Variants in TRPS1 observed in about 807,000 individuals in gnomAD.
TRPS1 encodes the protein zinc finger transcription factor Trps1.
A neutral mutation model predicts 101.2 loss-of-function variants in TRPS1; 6 were observed. The ratio of observed to expected loss-of-function variants is 0.06; its 90% CI spans 0.03 to 0.12. TRPS1 has a LOEUF of 0.12. Among genes scored for constraint, TRPS1 ranks in the 10% least tolerant of loss-of-function variants. TRPS1 has a pLI of 1.00. For synonymous variants in TRPS1, 578 were observed against 589.8 expected (o/e 0.98, Z 0.29); for missense variants, 1,363 against 1,567.0 (o/e 0.87, Z 2.20).
intron 5 of TRPS1, among the ~76,000 whole-genome samples, chr8:115,555,455 A>G (rs1306900289): frequency 6.6e-6 from 1 of 152,190 alleles, no homozygotes; most frequent in East Asian, 1.9e-4. Context: ...CCAATATGTT[A>G]TGAAACATTA....
intron 5 of TRPS1, among the ~76,000 whole-genome samples, chr8:115,534,126 A>G (rs1285708893): frequency 1.3e-5 from 2 of 152,128 alleles, no homozygotes; most frequent in East Asian, 3.9e-4. Context: ...ATCACACTGG[A>G]GGCTGAAGCT....
In TRPS1 at chr8:115,414,226, T is replaced by C. The variant is rs1167590393; in HGVS notation, c.3682A>G (p.Thr1228Ala). 26 of 1,613,914 alleles carry C rather than the reference T, an allele frequency of 1.6e-5. No individual in the cohort carries two copies. Among genetic ancestry groups the C allele is most frequent in the Middle Eastern group, 1.6e-4 (1 of 6,082 alleles). ...VDRSTQDELS[T>A]KCVHCGIVFL... ...ACAATGCCACAGTGCACACATTTTG[T>C]TGAAAGTTCATCTTGAGTACTTCTA... The change falls in exon 7 of 7, where the codon ACA (threonine) becomes GCA (alanine). Residue 1228 changes from threonine (T) to alanine (A), a missense_variant. By Grantham distance (58) the Thr-to-Ala change is moderately conservative. Coordinates refer to ENST00000395715, the MANE Select transcript of TRPS1 (RefSeq NM_014112.5). The surrounding 1 kb of genome is among the most constrained non-coding windows in gnomAD (Gnocchi z 4.8).
intron 2 of TRPS1, among the ~76,000 whole-genome samples, chr8:115,620,859 C>T (rs572632158): frequency 1.3e-5 from 2 of 152,214 alleles, no homozygotes; most frequent in Non-Finnish European, 2.9e-5. Context: ...TCTGGGTGTC[C>T]ATATGCAGCC....
At chr8:115,487,500 A>G (rs1814913138) in intron 5 of TRPS1, among the ~76,000 whole-genome samples, 1 of 152,198 alleles carries the variant, frequency 6.6e-6, no homozygotes, top group South Asian at 2.1e-4. Context: ...ATCTGGGCAA[A>G]GTCAATTGAA....
chr8:115,517,636 TA>T (rs1815749953), intron 5 of TRPS1, among the ~76,000 whole-genome samples: 1 of 151,770 alleles, frequency 6.6e-6, no homozygotes, highest in African/African-American at 2.4e-5. Context: ...TATGATATAC[TA>T]AAAATTATGT....
intron 5 of TRPS1, among the ~76,000 whole-genome samples, chr8:115,577,901 G>T (rs1251378079): frequency 6.6e-6 from 1 of 152,062 alleles, no homozygotes; most frequent in Non-Finnish European, 1.5e-5. Context: ...TTCAAAACTG[G>T]TTTGACAAAG....
At chr8:115,566,871 G>A (rs1817080082) in intron 5 of TRPS1, among the ~76,000 whole-genome samples, 1 of 152,094 alleles carries the variant, frequency 6.6e-6, no homozygotes, top group South Asian at 2.1e-4. Flanking sequence ...AAAGAGATAA[G>A]ATGGAAAAAT....
intron 5 of TRPS1, among the ~76,000 whole-genome samples, chr8:115,429,672 G>C (rs1236521608): frequency 6.6e-6 from 1 of 152,122 alleles, no homozygotes; most frequent in Non-Finnish European, 1.5e-5. Flanking sequence ...CCCAACTTGA[G>C]ACACAAAACT....
chr8:115,608,188 G>T (rs1411991358), intron 3 of TRPS1, among the ~76,000 whole-genome samples: 1 of 152,116 alleles, frequency 6.6e-6, no homozygotes, highest in Non-Finnish European at 1.5e-5. Context: ...AGAATAGAGA[G>T]CAGAGCTTTC....
rs530907538 is a variant in TRPS1, at chr8:115,500,869, G to A, written c.2701-82417C>T. ...ATTATAGGCAGGAGCCACCGCGCCC[G>A]ACCTGAACTTGGTTTTAATGACAAT... On this transcript the variant is annotated intron_variant, in intron 5 of 6. Coordinates refer to ENST00000395715, the MANE Select transcript of TRPS1 (RefSeq NM_014112.5). Among the ~76,000 whole-genome samples the A allele has an allele frequency of 2.6e-4, 39 of 152,202 alleles. 1 individual carries two copies. The South Asian group carries it at 7.3e-3, about 28-fold the overall frequency.
intron 1 of TRPS1, among the ~76,000 whole-genome samples, chr8:115,657,838 C>T (rs1811708775): frequency 6.6e-6 from 1 of 151,772 alleles, no homozygotes; most frequent in African/African-American, 2.4e-5. Flanking sequence ...CAATAGCAAA[C>T]AATAAAATAA....
intron 2 of TRPS1, among the ~76,000 whole-genome samples, chr8:115,620,887 G>C (rs1284163531): frequency 2.6e-5 from 4 of 152,180 alleles, no homozygotes; most frequent in East Asian, 1.9e-4. Flanking sequence ...AACAGTACCT[G>C]TTCCACCACT....
chr8:115,417,584 A>T (rs1812952464), intron 6 of TRPS1, among the ~76,000 whole-genome samples: 1 of 152,226 alleles, frequency 6.6e-6, no homozygotes, highest in South Asian at 2.1e-4. Context: ...TCAGTAAGTC[A>T]AATCCATATT....
At chr8:115,635,279 T>C (rs1818742127) in intron 1 of TRPS1, among the ~76,000 whole-genome samples, 1 of 152,114 alleles carries the variant, frequency 6.6e-6, no homozygotes, top group Admixed American at 6.6e-5. Context: ...CCAAACAAGC[T>C]GATATGAGAA....
intron 3 of TRPS1, among the ~76,000 whole-genome samples, chr8:115,608,489 A>G (rs1818089622): frequency 6.6e-6 from 1 of 152,150 alleles, no homozygotes. Flanking sequence ...ATTTATTTGT[A>G]TTTACATCTG....
intron 5 of TRPS1, among the ~76,000 whole-genome samples, chr8:115,468,695 C>T (rs1447389979): frequency 3.3e-5 from 5 of 152,178 alleles, no homozygotes; most frequent in Non-Finnish European, 5.9e-5. Context: ...CACAGCATTT[C>T]GAGAAACAAG....
chr8:115,609,680 A>G (rs888587387), intron 3 of TRPS1, among the ~76,000 whole-genome samples: 1 of 152,216 alleles, frequency 6.6e-6, no homozygotes, highest in African/African-American at 2.4e-5. Flanking sequence ...ATTGTGAATT[A>G]AAGTTATATA....
chr8:115,665,613 G>A (rs1811903925), intron 1 of TRPS1, among the ~76,000 whole-genome samples: 1 of 152,100 alleles, frequency 6.6e-6, no homozygotes, highest in African/African-American at 2.4e-5. Context: ...CACTGATTCC[G>A]ATCCTAAACT....
At chr8:115,622,206 C>T (rs932173775) in intron 2 of TRPS1, among the ~76,000 whole-genome samples, 29 of 151,982 alleles carry the variant, frequency 1.9e-4, no homozygotes, top group African/African-American at 6.8e-4. Context: ...AAAGGAAACA[C>T]TGGTAAACTA....
Sources: gnomAD v4.1 joint callset for allele counts (sites outside exome capture counted in the v4.1 genomes callset) on GRCh38, gnomAD v4.1.1 for gene constraint, Gnocchi (gnomAD v3.1) non-coding constraint, MANE v1.5 for transcripts, NCBI Gene and HGNC (gene_info 2026-07-23, HGNC 2026-07-21) for gene names.